Variants in IPO13 observed in about 807,000 individuals in gnomAD.
IPO13 encodes importin-13.
IPO13 carries 28 observed loss-of-function variants against 115.5 expected under a neutral mutation model. That is an observed-to-expected ratio of 0.24 (90% CI 0.18 to 0.33). IPO13 has a LOEUF of 0.33. IPO13 is among the 10% of genes least tolerant of loss of function. The pLI is 1.00. For missense variants in IPO13, 785 were observed against 1,204.6 expected (o/e 0.65, Z 5.16); for synonymous variants, 414 against 478.9 (o/e 0.86, Z 1.77).
intron 14 of IPO13, among the ~76,000 whole-genome samples, chr1:43,963,100 CTT>C (rs2085300846): frequency 6.6e-6 from 1 of 152,198 alleles, no homozygotes; most frequent in Non-Finnish European, 1.5e-5. Context: ...AAGGGACAGA[CTT>C]TATTGGTGAC....
chr1:43,948,609 C>T (rs548935279), intron 1 of IPO13, among the ~76,000 whole-genome samples: 5 of 152,292 alleles, frequency 3.3e-5, no homozygotes, highest in African/African-American at 9.6e-5. Flanking sequence ...ATGGAGCCTG[C>T]TTAGGGGTCA....
chr1:43,958,171 C>T lies in IPO13; in HGVS notation c.1722+13C>T, dbSNP rs1273146918. Reference sequence around the variant, plus strand: ...GGCTGTGTCCCAGGTATGCAGGGGCCCTGGATGGTGCTGGGCCTCAGAGCA... The same window carrying T: ...GGCTGTGTCCCAGGTATGCAGGGGCTCTGGATGGTGCTGGGCCTCAGAGCA... On this transcript the variant is annotated intron_variant, in intron 8 of 19. Coordinates refer to ENST00000372343, the MANE Select transcript of IPO13 (RefSeq NM_014652.4). The surrounding 1 kb of genome is among the most constrained non-coding windows in gnomAD (Gnocchi z 6.3). The T allele has an allele frequency of 6.2e-7, 1 of 1,614,042 alleles. No individual in the cohort carries two copies. The highest frequency in any genetic ancestry group is 2.2e-5 in the East Asian group (1 of 44,868).
chr1:43,959,968 T>C (rs1486129396), intron 11 of IPO13, among the ~76,000 whole-genome samples: 1 of 152,240 alleles, frequency 6.6e-6, no homozygotes, highest in African/African-American at 2.4e-5. Context: ...TTTTTAAGTT[T>C]ACAAAGTTTT....
Position 43,966,511 on chromosome 1 carries a change from G to A in IPO13, c.2398-64G>A, listed in dbSNP as rs1367030547. ...GTGAAGTTGGGGGCTGGGGTGGCAGGTGAGTGGGGGGGATGGTCCTTGGAG... is the reference window on the plus strand; with the variant it reads ...GTGAAGTTGGGGGCTGGGGTGGCAGATGAGTGGGGGGGATGGTCCTTGGAG... On this transcript the variant is annotated intron_variant, in intron 15 of 19. Transcript: ENST00000372343. The surrounding 1 kb of genome is among the most constrained non-coding windows in gnomAD (Gnocchi z 4.1). 9 of 1,546,630 alleles carry A rather than the reference G, an allele frequency of 5.8e-6. No homozygotes were observed. Among genetic ancestry groups the A allele is most frequent in the East Asian group, 4.5e-5 (2 of 44,522 alleles).
chr1:43,959,578 T>C (rs1160741904), intron 11 of IPO13, among the ~76,000 whole-genome samples: 3 of 152,190 alleles, frequency 2.0e-5, no homozygotes, highest in Non-Finnish European at 2.9e-5. Context: ...TTTACAAATA[T>C]AAGGGACTGC....
Position 43,952,739 on chromosome 1 carries a change from T to C in IPO13, c.821+2586T>C, listed in dbSNP as rs1443091658. 6.6e-6 allele frequency among the ~76,000 whole-genome samples: 1 copy of C among 152,240 alleles called. No homozygotes were observed. Among genetic ancestry groups the C allele is most frequent in the African/African-American group, 2.4e-5 (1 of 41,460 alleles). ...AACTTTAAATAAAATATTGGGTTGA[T>C]TTTAAAAAATAAAAGATTGTTTCGG... On this transcript the variant is annotated intron_variant, in intron 2 of 19. Transcript: ENST00000372343. The surrounding 1 kb of genome is among the most constrained non-coding windows in gnomAD (Gnocchi z 4.7).
chr1:43,950,787 T>C (rs1249035865), intron 2 of IPO13, among the ~76,000 whole-genome samples: 1 of 152,244 alleles, frequency 6.6e-6, no homozygotes, highest in African/African-American at 2.4e-5. Flanking sequence ...TTACATATAC[T>C]TGACACCTTG....
Position 43,958,614 on chromosome 1 carries a change from C to G in IPO13, c.1884+19C>G. 1 of 1,613,848 alleles carries G rather than the reference C, an allele frequency of 6.2e-7. No individual in the cohort carries two copies. Among genetic ancestry groups the G allele is most frequent in the Non-Finnish European group, 8.5e-7 (1 of 1,179,928 alleles). On this transcript the variant is annotated intron_variant, in intron 10 of 19. Transcript: ENST00000372343. The surrounding 1 kb of genome is among the most constrained non-coding windows in gnomAD (Gnocchi z 6.3). ...GGAGATAGTGAGTGAGCTCTGGGGG[C>G]CAGGGAGCGGTACTGAGATGCTGTG...
At chr1:43,957,030 A>G (rs904099315) in intron 5 of IPO13, 54 bp downstream of exon 5, 2 of 1,593,560 alleles carry the variant, frequency 1.3e-6, no homozygotes, top group African/African-American at 1.3e-5. Context: ...AATGAAGGCA[A>G]TGAGGGAAGG....
rs765491091 is a variant in IPO13, at chr1:43,967,517, C to T, written c.2795+21C>T. 1.9e-6 allele frequency: 3 copies of T among 1,614,110 alleles called. No individual in the cohort carries two copies. The highest frequency in any genetic ancestry group is 1.1e-5 in the South Asian group (1 of 91,074). ...CTTCGGTGAGCAGAGCTGGGGTGGG[C>T]CTGGGGTCAGGCAGAGAGGGGGCAG... On this transcript the variant is annotated intron_variant, in intron 19 of 19. Coordinates refer to ENST00000372343, the MANE Select transcript of IPO13 (RefSeq NM_014652.4). This position sits in a 1 kb window ranked among gnomAD's most constrained non-coding sequence, Gnocchi z 6.1.
In IPO13 at chr1:43,949,650, C is replaced by T; in HGVS notation, c.318C>T (p.Phe106=). Residue 106 remains phenylalanine (F), a synonymous_variant, in exon 2 of 20, where the codon TTC becomes TTT. Transcript: ENST00000372343. ...DQYESLKAQL[F]TQITRFASGS... is the part of the protein sequence containing the mutation. ...ATGAAAGCCTAAAGGCACAGCTCTT[C>T]ACCCAGATCACCCGCTTTGCCAGTG... The T allele has an allele frequency of 1.2e-6, 2 of 1,614,258 alleles. No homozygotes were observed. Among genetic ancestry groups the T allele is most frequent in the African/African-American group, 1.3e-5 (1 of 75,068 alleles).
Position 43,956,633 on chromosome 1 carries a change from A to T in IPO13, c.1036A>T (p.Ile346Phe). Reference sequence around the variant, plus strand: ...CAACATGATTATGTTCTGCACAGGCATCCCTGGCCACTATCCTGTCAATGA... The same window carrying T: ...CAACATGATTATGTTCTGCACAGGCTTCCCTGGCCACTATCCTGTCAATGA... ...LVNMIMFCTG[I>F]PGHYPVNETT... is the part of the protein sequence containing the mutation. The change falls in exon 4 of 20, where the codon ATC (isoleucine) becomes TTC (phenylalanine). Residue 346 changes from isoleucine (I) to phenylalanine (F), a missense_variant. By Grantham distance (21) the Ile-to-Phe change is conservative (BLOSUM62 0). Around this residue, in one of 3 missense-constraint regions of IPO13, gnomAD observed 325 missense variants for 449.8 expected, o/e 0.72. Coordinates refer to ENST00000372343, the MANE Select transcript of IPO13 (RefSeq NM_014652.4). This position sits in a 1 kb window ranked among gnomAD's most constrained non-coding sequence, Gnocchi z 4.7. The T allele has an allele frequency of 6.2e-7, 1 of 1,614,228 alleles. No homozygotes were observed. The highest frequency in any genetic ancestry group is 8.5e-7 in the Non-Finnish European group (1 of 1,180,028).
At chr1:43,957,013 C>A in intron 5 of IPO13, 37 bp downstream of exon 5, 1 of 1,604,134 alleles carries the variant, frequency 6.2e-7, no homozygotes, top group Non-Finnish European at 8.5e-7. Context: ...AAATGGAGTC[C>A]AGAAATAATG....
At chr1:43,957,920 G>A in intron 7 of IPO13, 57 bp from the exon 8 acceptor site, 1 of 1,556,338 alleles carries the variant, frequency 6.4e-7, no homozygotes, top group Non-Finnish European at 8.8e-7. Flanking sequence ...TCAGAGACAT[G>A]GTACAAAGCC....
rs996589342 is a variant in IPO13 at position 43,947,554 on chromosome 1, G to A, written c.-47G>A. ...GGGGGCCAGCAGCCAAGGGGCTGGG[G>A]CAGGAGACAGATCAGGGCCCACCTC... On this transcript the variant is annotated 5_prime_UTR_variant, in exon 1 of 20. Coordinates refer to ENST00000372343, the MANE Select transcript of IPO13 (RefSeq NM_014652.4). 9.1e-7 allele frequency: 1 copy of A among 1,104,242 alleles called. No homozygotes were observed. The highest frequency in any genetic ancestry group is 1.2e-6 in the Non-Finnish European group (1 of 852,308). 68.4% of individuals were successfully genotyped at this position (1,104,242 alleles called of 1,614,324 possible).
chr1:43,953,261 A>C (rs2085221358), intron 2 of IPO13: 1 of 152,240 alleles, frequency 6.6e-6, no homozygotes, highest in Non-Finnish European at 1.5e-5. Context: ...TGTGAGCAGC[A>C]GCAGAGGAGT....
chr1:43,949,644 G>A lies in IPO13; in HGVS notation c.312G>A (p.Gln104=). ...PTDQYESLKA[Q]LFTQITRFAS... is the part of the protein sequence containing the mutation. ...ACCAGTATGAAAGCCTAAAGGCACA[G>A]CTCTTCACCCAGATCACCCGCTTTG... is the stretch of plus-strand genomic sequence containing the variant. Residue 104 remains glutamine, a synonymous_variant, in exon 2 of 20, where the codon CAG becomes CAA. Coordinates refer to ENST00000372343, the MANE Select transcript of IPO13 (RefSeq NM_014652.4). The A allele has an allele frequency of 6.2e-7, 1 of 1,614,236 alleles. No individual in the cohort carries two copies. Among genetic ancestry groups the A allele is most frequent in the Non-Finnish European group, 8.5e-7 (1 of 1,180,046 alleles).
In IPO13 at chr1:43,956,533, G is replaced by T. The variant is rs1352166509; in HGVS notation, c.963-27G>T. On this transcript the variant is annotated intron_variant, in intron 3 of 19. Transcript: ENST00000372343. This position sits in a 1 kb window ranked among gnomAD's most constrained non-coding sequence, Gnocchi z 4.7. ...ATGGGGTTCTGGAAGTCCCTGGAAA[G>T]GTAGAATGACCTGACTCTCTCCCCA... 6.2e-7 allele frequency: 1 copy of T among 1,614,134 alleles called. No individual in the cohort carries two copies. Among genetic ancestry groups the T allele is most frequent in the South Asian group, 1.1e-5 (1 of 91,078 alleles).
chr1:43,958,508 A>G lies in IPO13; in HGVS notation c.1797A>G (p.Ser599=), dbSNP rs1423120340. The G allele has an allele frequency of 4.3e-6, 7 of 1,614,142 alleles. No individual in the cohort carries two copies. The highest frequency in any genetic ancestry group is 1.3e-5 in the African/African-American group (1 of 75,050). The part of the protein sequence containing the change: ...WLMQALGFLL[S]ALQVEEILKN... The stretch of plus-strand genomic sequence containing the variant: ...TGCAGGCGCTGGGCTTCCTGCTGTC[A>G]GCTCTTCAAGTGGAGGAGATCCTTA... The change falls in exon 10 of 20, where the codon TCA becomes TCG. Residue 599 remains serine (S), a synonymous_variant. Transcript: ENST00000372343. This position sits in a 1 kb window ranked among gnomAD's most constrained non-coding sequence, Gnocchi z 6.3.
Sources: allele counts gnomAD v4.1 joint callset (sites outside exome capture counted in the v4.1 genomes callset), GRCh38; gene constraint gnomAD v4.1.1; regional missense constraint gnomAD v4.1.1; non-coding constraint Gnocchi (gnomAD v3.1); transcripts MANE v1.5; gene names NCBI Gene and HGNC (gene_info 2026-07-23, HGNC 2026-07-21).